Variants in RYK observed in about 807,000 individuals in gnomAD.
RYK encodes the protein inactive tyrosine-protein kinase RYK.
RYK carries 21 observed loss-of-function variants against 70.2 expected under a neutral mutation model. That is an observed-to-expected ratio of 0.30 (90% confidence interval 0.21 to 0.43). The LOEUF is 0.43. Ranked by LOEUF, RYK falls within the 20% of genes least tolerant of loss-of-function variation. RYK has a pLI of 1.00. For synonymous variants in RYK, 267 were observed against 278.0 expected (o/e 0.96, Z 0.39); for missense variants, 604 against 753.3 (o/e 0.80, Z 2.32).
intron 10 of RYK, chr3:134,178,377 G>C (rs2013181608): frequency 9.6e-6 from 2 of 207,664 alleles, no homozygotes; most frequent in Admixed American, 1.2e-4. Context: ...TACTCCAAAG[G>C]GCAATTAATC....
intron 1 of RYK, among the ~76,000 whole-genome samples, chr3:134,231,203 A>G (rs912659635): frequency 6.6e-6 from 1 of 151,930 alleles, no homozygotes; most frequent in African/African-American, 2.4e-5. Context: ...CAAAAAAAAA[A>G]AAAAAAGAAG....
At chr3:134,198,810 GTATT>G (rs1447049687) in intron 6 of RYK, among the ~76,000 whole-genome samples, 1 of 152,138 alleles carries the variant, frequency 6.6e-6, no homozygotes, top group Admixed American at 6.5e-5. Context: ...TAGTTACTGA[GTATT>G]TTACTATGTG....
At chr3:134,215,539 GT>G (rs1489324944) in intron 2 of RYK, among the ~76,000 whole-genome samples, 5 of 152,214 alleles carry the variant, frequency 3.3e-5, no homozygotes, top group Admixed American at 2.0e-4. Flanking sequence ...TAAAACTGCA[GT>G]TTCTGGGATT....
intron 1 of RYK, among the ~76,000 whole-genome samples, chr3:134,233,626 C>T (rs1214820880): frequency 2.0e-5 from 3 of 152,144 alleles, no homozygotes; most frequent in Admixed American, 2.0e-4. Context: ...CAGTTTTCAA[C>T]AGTTTATCTT....
intron 13 of RYK, among the ~76,000 whole-genome samples, chr3:134,164,849 C>T (rs1179150119): frequency 3.3e-5 from 5 of 152,200 alleles, no homozygotes; most frequent in African/African-American, 9.6e-5. Flanking sequence ...TACATTCCTG[C>T]CAGCAGTGTA....
chr3:134,169,434 C>T (rs1358240323), intron 13 of RYK, among the ~76,000 whole-genome samples: 1 of 152,134 alleles, frequency 6.6e-6, no homozygotes, highest in Non-Finnish European at 1.5e-5. Context: ...GTGGTATCCA[C>T]ATCTGATGAA....
chr3:134,161,039 A>T lies in RYK; in HGVS notation c.1576-1666T>A, dbSNP rs568695836. Among the ~76,000 whole-genome samples, 16 of 152,358 alleles carry T rather than the reference A, an allele frequency of 1.1e-4. No homozygotes were observed. The East Asian group carries it at 3.1e-3, about 29-fold the overall frequency. On this transcript the variant is annotated intron_variant, in intron 13 of 14. Transcript: ENST00000623711. ...TGGAAAGAAAATATACCACATGGAA[A>T]TCTGAGTCAACACAAAGAATACAGA...
chr3:134,206,503 G>C (rs770262405), intron 5 of RYK, among the ~76,000 whole-genome samples: 7 of 152,098 alleles, frequency 4.6e-5, no homozygotes, highest in African/African-American at 1.4e-4. Context: ...TTTGGATCTT[G>C]ATTCAGGAGG....
At chr3:134,239,316 A>T (rs1265443983) in intron 1 of RYK, among the ~76,000 whole-genome samples, 1 of 152,020 alleles carries the variant, frequency 6.6e-6, no homozygotes, top group East Asian at 1.9e-4. Flanking sequence ...TTTTTATATT[A>T]GTGGGGTATG....
chr3:134,207,613 A>ATGTT, intron 4 of RYK, 88 bp from the exon 5 acceptor site: 1 of 809,776 alleles, frequency 1.2e-6, no homozygotes, highest in Non-Finnish European at 2.0e-6. Flanking sequence ...CATTGCTGGA[A>ATGTT]CTCAGCAACA....
At chr3:134,236,882 T>C (rs2015211434) in intron 1 of RYK, among the ~76,000 whole-genome samples, 1 of 152,178 alleles carries the variant, frequency 6.6e-6, no homozygotes, top group African/African-American at 2.4e-5. Flanking sequence ...ATTTTGTCAT[T>C]AGAATGCACA....
chr3:134,227,301 T>C (rs967175830), intron 1 of RYK, among the ~76,000 whole-genome samples: 2 of 152,190 alleles, frequency 1.3e-5, no homozygotes, highest in Non-Finnish European at 2.9e-5. Context: ...AGACATACTG[T>C]ACCATTCTCC....
intron 1 of RYK, among the ~76,000 whole-genome samples, chr3:134,237,273 G>A (rs1027033839): frequency 3.3e-5 from 5 of 152,100 alleles, no homozygotes; most frequent in East Asian, 3.8e-4. Context: ...TGGTTCATTC[G>A]TGCTAAATCA....
intron 1 of RYK, among the ~76,000 whole-genome samples, chr3:134,225,110 A>G (rs1428096886): frequency 3.9e-5 from 6 of 152,232 alleles, no homozygotes; most frequent in African/African-American, 1.4e-4. Flanking sequence ...AGAGACAGAA[A>G]TGCAGACCCT....
In RYK at chr3:134,202,816, C is replaced by T; in HGVS notation, c.702G>A (p.Gly234=). The change falls in exon 6 of 15, where the codon GGG becomes GGA. Residue 234 remains glycine (G), a synonymous_variant. Transcript: ENST00000623711. ...CGAGAAATATTACTGCACAACAAACCCCTACACTAATATAAAACACACGCG... is the reference window on the plus strand; with the variant it reads ...CGAGAAATATTACTGCACAACAAACTCCTACACTAATATAAAACACACGCG... ...TSTRVFYISV[G]VCCAVIFLVA... is the part of the protein sequence containing the mutation. 6.2e-7 allele frequency: 1 copy of T among 1,613,370 alleles called. No homozygotes were observed. The highest frequency in any genetic ancestry group is 2.2e-5 in the East Asian group (1 of 44,852).
chr3:134,250,300 C>T (rs2015578977), intron 1 of RYK, 123 bp downstream of exon 1: 1 of 430,980 alleles, frequency 2.3e-6, no homozygotes, highest in Non-Finnish European at 3.7e-6. Flanking sequence ...GAGGCGAATC[C>T]GGGCGCGGGG....
At chr3:134,195,248 A>G in intron 6 of RYK, 66 bp from the exon 7 acceptor site, 1 of 1,182,424 alleles carries the variant, frequency 8.5e-7, no homozygotes, top group Non-Finnish European at 1.3e-6. Context: ...CTTTTTCCAT[A>G]CATACAAAAT....
intron 1 of RYK, among the ~76,000 whole-genome samples, chr3:134,231,818 A>G (rs568285101): frequency 6.6e-6 from 1 of 152,228 alleles, no homozygotes; most frequent in East Asian, 1.9e-4. Context: ...CCATCAAACT[A>G]TGCCACCCTC....
chr3:134,247,973 C>G (rs1576541665), intron 1 of RYK, among the ~76,000 whole-genome samples: 3 of 152,028 alleles, frequency 2.0e-5, no homozygotes, highest in African/African-American at 7.2e-5. Flanking sequence ...GCCTTAAGTA[C>G]CATAACAGCT....
Sources: allele counts gnomAD v4.1 joint callset (sites outside exome capture counted in the v4.1 genomes callset), GRCh38; gene constraint gnomAD v4.1.1; transcripts MANE v1.5; gene names NCBI Gene and HGNC (gene_info 2026-07-23, HGNC 2026-07-21).